ZMIZ1: variants seen among roughly 807,000 people sequenced by gnomAD.
The protein encoded by ZMIZ1 is zinc finger MIZ domain-containing protein 1.
Under a neutral mutation model 113.9 loss-of-function variants are expected in ZMIZ1, and 17 were observed. The observed-to-expected ratio is 0.15, with a 90% CI of 0.10 to 0.22. The LOEUF (loss-of-function observed/expected upper bound fraction) is 0.22, where lower values mean the gene tolerates loss of function less well. Among genes scored for constraint, ZMIZ1 ranks in the 10% least tolerant of loss-of-function variants. The probability of loss-of-function intolerance (pLI) is 1.00; values close to 1 mark genes in which losing one functional copy is unlikely to be tolerated. For synonymous variants in ZMIZ1, 607 were observed against 603.1 expected (o/e 1.01, Z -0.09); for missense variants, 1,059 against 1,477.8 (o/e 0.72, Z 4.65).
intron 5 of ZMIZ1, 98 bp from the exon 6 acceptor site, chr10:79,208,238 C>T (rs1223464130): frequency 3.1e-6 from 3 of 976,124 alleles, no homozygotes; most frequent in South Asian, 1.4e-5. Context: ...GAACCTCCTC[C>T]CCAGTGAGGC....
At chr10:79,249,094 G>T (rs1409824483) in intron 7 of ZMIZ1, among the ~76,000 whole-genome samples, 1 of 152,194 alleles carries the variant, frequency 6.6e-6, no homozygotes, top group Non-Finnish European at 1.5e-5. Flanking sequence ...AAAATGGGGG[G>T]CATGTTTCAG....
chr10:79,079,063 T>C (rs772718676), intron 1 of ZMIZ1, among the ~76,000 whole-genome samples: 6 of 152,266 alleles, frequency 3.9e-5, no homozygotes, highest in Non-Finnish European at 8.8e-5. Flanking sequence ...CCTGCTTTCT[T>C]GGCCTTTCCA....
At chr10:79,257,756 C>A (rs1445023195) in intron 7 of ZMIZ1, among the ~76,000 whole-genome samples, 1 of 152,244 alleles carries the variant, frequency 6.6e-6, no homozygotes, top group African/African-American at 2.4e-5. Flanking sequence ...GGGTTCCAAG[C>A]CACAGAGACC....
intron 4 of ZMIZ1, among the ~76,000 whole-genome samples, chr10:79,182,398 C>G (rs1035162665): frequency 3.9e-5 from 6 of 152,078 alleles, no homozygotes; most frequent in African/African-American, 1.2e-4. Context: ...TGACTGCAGA[C>G]CCCCGAGAGG....
intron 2 of ZMIZ1, among the ~76,000 whole-genome samples, chr10:79,136,556 TGG>T (rs1564672788): frequency 8.5e-5 from 13 of 152,248 alleles, no homozygotes; most frequent in South Asian, 2.1e-4. Flanking sequence ...GAGACCCTTC[TGG>T]TCACTTGAGG....
chr10:79,300,354 G>A (rs1421130812), intron 16 of ZMIZ1, among the ~76,000 whole-genome samples: 1 of 152,228 alleles, frequency 6.6e-6, no homozygotes, highest in African/African-American at 2.4e-5. Context: ...GCTCCCAGCA[G>A]GTCTAGAGAT....
At chr10:79,198,590 CCTT>C (rs1160967223) in intron 4 of ZMIZ1, among the ~76,000 whole-genome samples, 2 of 152,106 alleles carry the variant, frequency 1.3e-5, no homozygotes, top group Non-Finnish European at 2.9e-5. Context: ...CCCACTTTCC[CCTT>C]CTTGCTGTAG....
At position 79,134,492 on chromosome 10, in the gene ZMIZ1, C is replaced by T. The variant is rs568939288; in HGVS notation, c.-226-5190C>T. Among the ~76,000 whole-genome samples, 8 of 152,308 alleles carry T rather than the reference C, an allele frequency of 5.3e-5. No homozygotes were observed. The East Asian group carries it at 1.4e-3, about 26-fold the overall frequency. ...TCATGCAGAGGAAAGGAGCACTTAG[C>T]CCATGGCCCAAACTGAACCCTCTGT... On this transcript the variant is annotated intron_variant, in intron 2 of 24. Transcript: ENST00000334512.
intron 4 of ZMIZ1, among the ~76,000 whole-genome samples, chr10:79,172,079 G>A (rs1846623033): frequency 6.6e-6 from 1 of 152,144 alleles, no homozygotes; most frequent in Non-Finnish European, 1.5e-5. Context: ...CAGCAGGGAT[G>A]AGGAGATAGG....
chr10:79,207,595 G>A (rs192349412), intron 5 of ZMIZ1, among the ~76,000 whole-genome samples: 1 of 152,268 alleles, frequency 6.6e-6, no homozygotes, highest in Non-Finnish European at 1.5e-5. Context: ...AGTCTCCATC[G>A]ACTCAGACTC....
intron 7 of ZMIZ1, among the ~76,000 whole-genome samples, chr10:79,240,526 T>C (rs1028128463): frequency 1.3e-5 from 2 of 152,122 alleles, no homozygotes; most frequent in Non-Finnish European, 2.9e-5. Flanking sequence ...GCCTTGAAAT[T>C]AGCATCTGAA....
intron 1 of ZMIZ1, among the ~76,000 whole-genome samples, chr10:79,082,401 C>G (rs139543703): frequency 8.0e-4 from 122 of 152,320 alleles, no homozygotes; most frequent in Non-Finnish European, 1.5e-3. Flanking sequence ...GCTCATCAGG[C>G]TCATTTGGTG....
chr10:79,106,991 G>A (rs1010428735), intron 1 of ZMIZ1, among the ~76,000 whole-genome samples: 1 of 152,232 alleles, frequency 6.6e-6, no homozygotes, highest in Non-Finnish European at 1.5e-5. Context: ...TAGCCCTCAT[G>A]ATCATGCTTT....
At chr10:79,298,353 C>T (rs550938591) in intron 14 of ZMIZ1, 53 bp from the exon 15 acceptor site, 1 of 1,569,714 alleles carries the variant, frequency 6.4e-7, no homozygotes, top group South Asian at 1.2e-5. Flanking sequence ...TAGCCATGGC[C>T]CCTTCTGTCT....
At chr10:79,190,887 A>G (rs926453665) in intron 4 of ZMIZ1, among the ~76,000 whole-genome samples, 1 of 152,176 alleles carries the variant, frequency 6.6e-6, no homozygotes, top group African/African-American at 2.4e-5. Flanking sequence ...GGAAGTTTGC[A>G]TGTGGATCTG....
intron 6 of ZMIZ1, among the ~76,000 whole-genome samples, chr10:79,213,730 A>G (rs567542970): frequency 1.3e-5 from 2 of 152,330 alleles, no homozygotes; most frequent in African/African-American, 4.8e-5. Context: ...ACTGAGAAAG[A>G]AGTCTTAGCA....
At chr10:79,202,473 A>G (rs1848143454) in intron 5 of ZMIZ1, among the ~76,000 whole-genome samples, 1 of 152,092 alleles carries the variant, frequency 6.6e-6, no homozygotes, top group Non-Finnish European at 1.5e-5. Flanking sequence ...GCCACAAGAC[A>G]AGAGGTCCTA....
intron 7 of ZMIZ1, among the ~76,000 whole-genome samples, chr10:79,220,509 C>T (rs1474775711): frequency 6.6e-6 from 1 of 152,206 alleles, no homozygotes; most frequent in African/African-American, 2.4e-5. Context: ...AGTTCCAGAG[C>T]TCGCTCCAGC....
At chr10:79,165,485 G>C (rs530881887) in intron 4 of ZMIZ1, among the ~76,000 whole-genome samples, 1 of 152,048 alleles carries the variant, frequency 6.6e-6, no homozygotes, top group Non-Finnish European at 1.5e-5. Flanking sequence ...GCGTAGTAGC[G>C]TGTGCCTGTG....
Sources: allele counts gnomAD v4.1 joint callset (sites outside exome capture counted in the v4.1 genomes callset), GRCh38; gene constraint gnomAD v4.1.1; transcripts MANE v1.5; gene names NCBI Gene and HGNC (gene_info 2026-07-23, HGNC 2026-07-21).